The following TBC1D30 variants were observed in gnomAD, a reference collection of about 807,000 sequenced individuals.
TBC1D30 encodes TBC1 domain family member 30, also known as TBC1 domain family, member 30.
Under a neutral mutation model 63.2 loss-of-function variants are expected in TBC1D30, and 31 were observed. The observed-to-expected ratio is 0.49, with a 90% CI of 0.37 to 0.66. TBC1D30 has a LOEUF of 0.66. Ranked by LOEUF, TBC1D30 falls within the 30% of genes least tolerant of loss-of-function variation. The probability of loss-of-function intolerance (pLI) is 0.00; values close to 1 mark genes in which losing one functional copy is unlikely to be tolerated. For missense variants in TBC1D30, 810 were observed against 953.6 expected, an observed-to-expected ratio of 0.85 and a Z score of 1.98; for synonymous variants, 307 against 361.5, an observed-to-expected ratio of 0.85 and a Z score of 1.71.
chr12:64,808,736 CATT>C (rs1366992125), intron 2 of TBC1D30, among the ~76,000 whole-genome samples: 3 of 152,080 alleles, frequency 2.0e-5, no homozygotes, highest in Non-Finnish European at 4.4e-5. Context: ...AGTAATTCCC[CATT>C]CCCTCCCTCC....
At chr12:64,806,718 T>A (rs941811054) in intron 2 of TBC1D30, among the ~76,000 whole-genome samples, 5 of 152,210 alleles carry the variant, frequency 3.3e-5, no homozygotes, top group African/African-American at 4.8e-5. Flanking sequence ...AAAGAGATAT[T>A]TGCACATCCA....
chr12:64,779,322 A>G (rs1871165931), upstream of TBC1D30: 1 of 152,224 alleles, frequency 6.6e-6, no homozygotes, highest in African/African-American at 2.4e-5. Context: ...ACCTCAAAAA[A>G]CAAAACAGCA....
intron 2 of TBC1D30, among the ~76,000 whole-genome samples, chr12:64,803,704 G>A (rs1872710906): frequency 6.6e-6 from 1 of 152,140 alleles, no homozygotes; most frequent in South Asian, 2.1e-4. Flanking sequence ...TCCAGTTTCA[G>A]CTTTCTACAT....
At chr12:64,787,358 A>G in intron 2 of TBC1D30, 1 of 985,382 alleles carries the variant, frequency 1.0e-6, no homozygotes, top group Non-Finnish European at 1.2e-6. Context: ...ATTAACATGC[A>G]GCATGGCAGA....
At chr12:64,803,901 G>C (rs1262283207) in intron 2 of TBC1D30, among the ~76,000 whole-genome samples, 1 of 152,144 alleles carries the variant, frequency 6.6e-6, no homozygotes, top group Non-Finnish European at 1.5e-5. Context: ...GGTTACTGTA[G>C]CTGTATAGTA....
upstream of TBC1D30, among the ~76,000 whole-genome samples, chr12:64,820,375 C>G (rs557072652): frequency 6.6e-6 from 1 of 152,180 alleles, no homozygotes; most frequent in Non-Finnish European, 1.5e-5. Context: ...ATGGTCCATA[C>G]TTTTTTTTGT....
chr12:64,837,653 G>A (rs1168727603), intron 6 of TBC1D30, among the ~76,000 whole-genome samples: 1 of 152,138 alleles, frequency 6.6e-6, no homozygotes, highest in Non-Finnish European at 1.5e-5. Context: ...TGTGTGGCCT[G>A]GTTCCTAGCA....
chr12:64,799,917 C>T lies in TBC1D30; in HGVS notation c.643+13872C>T, dbSNP rs147779207. Among the ~76,000 whole-genome samples, 108 of 152,220 alleles carry T rather than the reference C, an allele frequency of 7.1e-4. 1 individual carries two copies. The East Asian group carries it at 0.018, about 25-fold the overall frequency. ...GTCAGGAGTTCCAGACCAGCCTGGCCAACATGGTGAAACCCTGTCTCTACT... is the reference window on the plus strand; with the variant it reads ...GTCAGGAGTTCCAGACCAGCCTGGCTAACATGGTGAAACCCTGTCTCTACT... On this transcript the variant is annotated intron_variant, in intron 2 of 12. Transcript: ENST00000542120.
intron 8 of TBC1D30, among the ~76,000 whole-genome samples, chr12:64,857,416 A>T (rs1877402958): frequency 6.6e-6 from 1 of 151,564 alleles, no homozygotes. Context: ...GGGCCTCATG[A>T]CTCTGCCTGG....
At chr12:64,789,877 C>T (rs1871824225) in intron 2 of TBC1D30, among the ~76,000 whole-genome samples, 1 of 152,228 alleles carries the variant, frequency 6.6e-6, no homozygotes, top group Admixed American at 6.5e-5. Context: ...TTACCATTCA[C>T]TGAGTACATG....
chr12:64,861,386 CTA>C (rs1877773224), intron 8 of TBC1D30, among the ~76,000 whole-genome samples: 1 of 152,020 alleles, frequency 6.6e-6, no homozygotes, highest in Non-Finnish European at 1.5e-5. Flanking sequence ...ATTTTCTTTC[CTA>C]TATTCATTCA....
intron 5 of TBC1D30, among the ~76,000 whole-genome samples, chr12:64,836,227 C>T (rs1269774624): frequency 6.6e-6 from 1 of 152,256 alleles, no homozygotes; most frequent in Non-Finnish European, 1.5e-5. Flanking sequence ...ACTTATGGGC[C>T]GAACTCAGGT....
intron 1 of TBC1D30, among the ~76,000 whole-genome samples, chr12:64,774,734 G>A (rs7969812): frequency 0.041 from 6,220 of 152,144 alleles, 430 homozygotes; most frequent in African/African-American, 0.14. Flanking sequence ...TTTCAGACAA[G>A]CAAATGCTGA....
intron 8 of TBC1D30, among the ~76,000 whole-genome samples, chr12:64,850,117 G>A (rs1388968166): frequency 6.6e-6 from 1 of 152,204 alleles, no homozygotes; most frequent in Non-Finnish European, 1.5e-5. Context: ...TTTGCACATT[G>A]ATTTTATATC....
chr12:64,804,550 C>T (rs1872755602), intron 2 of TBC1D30, among the ~76,000 whole-genome samples: 1 of 152,188 alleles, frequency 6.6e-6, no homozygotes, highest in Non-Finnish European at 1.5e-5. Flanking sequence ...TGAGAGAGGG[C>T]ATCCCTGTCT....
At chr12:64,804,283 G>A (rs1440066717) in intron 2 of TBC1D30, among the ~76,000 whole-genome samples, 2 of 151,970 alleles carry the variant, frequency 1.3e-5, no homozygotes, top group African/African-American at 2.4e-5. Flanking sequence ...TCATGATTTC[G>A]CTCTCTGTCT....
In TBC1D30 at chr12:64,876,775, C is replaced by T. The variant is rs545753049; in HGVS notation, c.*987C>T. 2.2e-6 allele frequency: 1 copy of T among 456,074 alleles called. No homozygotes were observed. The highest frequency in any genetic ancestry group is 4.4e-6 in the Non-Finnish European group (1 of 226,786). 28.3% of individuals were successfully genotyped at this position (456,074 alleles called of 1,614,324 possible). On this transcript the variant is annotated 3_prime_UTR_variant, in exon 12 of 12. Transcript: ENST00000539867. ...TGAGTACTTTGTTAATTGAACACTG[C>T]CTTTCTCTGGAGAAGGCCCCAGTGC...
At chr12:64,863,344 G>A (rs1877951742) in intron 8 of TBC1D30, among the ~76,000 whole-genome samples, 1 of 152,116 alleles carries the variant, frequency 6.6e-6, no homozygotes, top group East Asian at 1.9e-4. Context: ...GTGGGGAACT[G>A]GTTTAATTTC....
chr12:64,877,342 A>C lies in TBC1D30; in HGVS notation c.*1554A>C, dbSNP rs1321829309. ...ATGCAGCCAATATTAATTTGAGCTA[A>C]TGGATTGTTAATTCTGAAACGAAAA... On this transcript the variant is annotated 3_prime_UTR_variant, in exon 12 of 12. Coordinates refer to ENST00000539867, the MANE Select transcript of TBC1D30 (RefSeq NM_015279.2). 1 of 157,836 alleles carries C rather than the reference A, an allele frequency of 6.3e-6. No homozygotes were observed. Among genetic ancestry groups the C allele is most frequent in the Non-Finnish European group, 1.4e-5 (1 of 71,280 alleles). 9.8% of individuals were successfully genotyped at this position (157,836 alleles called of 1,614,324 possible). A position where few individuals can be genotyped will look rare whatever the true frequency, so the allele number is the denominator to read the frequency against.
Sources: allele counts gnomAD v4.1 joint callset (sites outside exome capture counted in the v4.1 genomes callset), GRCh38; gene constraint gnomAD v4.1.1; transcripts MANE v1.5; gene names NCBI Gene and HGNC (gene_info 2026-07-23, HGNC 2026-07-21).